GAS7: variants seen among roughly 807,000 people sequenced by gnomAD.
GAS7 encodes growth arrest-specific protein 7.
In GAS7, 28 loss-of-function variants were observed where a neutral mutation model predicts 71.1. The ratio of observed to expected loss-of-function variants is 0.39; its 90% CI spans 0.29 to 0.54. GAS7 has a LOEUF of 0.54. GAS7 is among the 20% of genes least tolerant of loss of function. GAS7 has a pLI of 0.62. For missense variants in GAS7, 436 were observed against 627.8 expected (o/e 0.69, Z 3.27); for synonymous variants, 258 against 245.8 (o/e 1.05, Z -0.46).
intron 1 of GAS7, among the ~76,000 whole-genome samples, chr17:10,163,535 A>G (rs1421062793): frequency 6.6e-6 from 1 of 152,222 alleles, no homozygotes; most frequent in Non-Finnish European, 1.5e-5. Context: ...AGAAATACAG[A>G]TTAAAGTTGA....
chr17:9,949,641 C>T (rs2068926304), intron 5 of GAS7, among the ~76,000 whole-genome samples: 1 of 152,190 alleles, frequency 6.6e-6, no homozygotes, highest in Non-Finnish European at 1.5e-5. Context: ...GAGGTCCCCA[C>T]CACCCTAGAG....
chr17:10,133,717 C>T (rs990607997), intron 1 of GAS7, among the ~76,000 whole-genome samples: 1 of 151,718 alleles, frequency 6.6e-6, no homozygotes, highest in African/African-American at 2.4e-5. Context: ...CCACCCAGCC[C>T]CTGGTGATCA....
At chr17:10,188,292 T>C (rs1249903462) in intron 1 of GAS7, among the ~76,000 whole-genome samples, 6 of 152,216 alleles carry the variant, frequency 3.9e-5, no homozygotes, top group Admixed American at 1.3e-4. Context: ...CCCTTCCGCA[T>C]GTTCTGACCT....
In GAS7 at chr17:9,919,835, G is replaced by A; in HGVS notation, c.1139-130C>T. On this transcript the variant is annotated intron_variant, in intron 11 of 13. Coordinates refer to ENST00000432992, the MANE Select transcript of GAS7 (RefSeq NM_201433.2). This position sits in a 1 kb window ranked among gnomAD's most constrained non-coding sequence, Gnocchi z 5.0. ...TGGTGGCCGCTGGAAAGCTGGAAAA[G>A]GGATGGCAGTAGGAAGAAGAAGAAA... The A allele has an allele frequency of 1.3e-6, 1 of 745,928 alleles. No homozygotes were observed. Among genetic ancestry groups the A allele is most frequent in the Non-Finnish European group, 2.4e-6 (1 of 416,328 alleles). 46.2% of individuals were successfully genotyped at this position (745,928 alleles called of 1,614,324 possible).
At chr17:10,150,539 G>A (rs1430117468) in intron 1 of GAS7, among the ~76,000 whole-genome samples, 4 of 150,806 alleles carry the variant, frequency 2.7e-5, no homozygotes, top group Non-Finnish European at 5.9e-5. Flanking sequence ...GAACACCTAT[G>A]AGAGGCAGCA....
chr17:10,032,123 A>AAAC (rs1259128402), intron 1 of GAS7, among the ~76,000 whole-genome samples: 2 of 151,832 alleles, frequency 1.3e-5, no homozygotes, highest in Non-Finnish European at 2.9e-5. Flanking sequence ...AAAAAAAAAA[A>AAAC]AAAAAAACCC....
intron 2 of GAS7, among the ~76,000 whole-genome samples, chr17:9,993,021 T>G (rs2070905330): frequency 6.6e-6 from 1 of 152,060 alleles, no homozygotes; most frequent in Non-Finnish European, 1.5e-5. Context: ...ACATTTGGGT[T>G]GGTTCCAAGT....
At chr17:10,064,673 G>A (rs2073261771) in intron 1 of GAS7, among the ~76,000 whole-genome samples, 1 of 152,236 alleles carries the variant, frequency 6.6e-6, no homozygotes, top group East Asian at 1.9e-4. Context: ...GTCTCACTGA[G>A]AATGGAGCCA....
chr17:9,954,159 G>A (rs765164895), intron 5 of GAS7, among the ~76,000 whole-genome samples: 2 of 152,146 alleles, frequency 1.3e-5, no homozygotes, highest in Non-Finnish European at 2.9e-5. Context: ...CCTACAGGTG[G>A]GGACCGCGTT....
In GAS7 at chr17:9,925,507, G is replaced by T. The variant is rs370876732; in HGVS notation, c.1107C>A (p.Ile369=). 6.2e-7 allele frequency: 1 copy of T among 1,613,986 alleles called. No homozygotes were observed. The highest frequency in any genetic ancestry group is 1.3e-5 in the African/African-American group (1 of 74,910). The part of the protein sequence containing the change: ...IKLSNKTEED[I]KKARRKSTQA... ...GTGTGGACTTTCTCCGCGCCTTCTT[G>T]ATGTCCTCCTCTGTCTTGTTGCTCA... is the stretch of plus-strand genomic sequence containing the variant. The change falls in exon 11 of 14, where the codon ATC becomes ATA. Residue 369 remains isoleucine, a synonymous_variant. Transcript: ENST00000432992.
intron 2 of GAS7, among the ~76,000 whole-genome samples, chr17:9,997,460 G>C (rs1241010760): frequency 1.3e-5 from 2 of 152,010 alleles, no homozygotes; most frequent in Non-Finnish European, 2.9e-5. Context: ...TGATAACATA[G>C]GAAAAACTAA....
chr17:10,094,634 A>G (rs1190911634), intron 1 of GAS7, among the ~76,000 whole-genome samples: 1 of 151,796 alleles, frequency 6.6e-6, no homozygotes, highest in African/African-American at 2.4e-5. Context: ...ACGCCTGACT[A>G]ATTTTTTGTA....
Position 10,019,760 on chromosome 17 carries a change from C to T in GAS7, c.304+17G>A, listed in dbSNP as rs376746117. The T allele has an allele frequency of 1.4e-5, 22 of 1,608,842 alleles. 1 individual carries two copies. The highest frequency in any genetic ancestry group is 9.9e-5 in the South Asian group (9 of 90,768). ...GCCAGGGGGTTGGTGCAGGATTCTCCCCCGAGCGGGACTCACCATTGGTGG... is the reference window on the plus strand; with the variant it reads ...GCCAGGGGGTTGGTGCAGGATTCTCTCCCGAGCGGGACTCACCATTGGTGG... On this transcript the variant is annotated intron_variant, in intron 2 of 13. Coordinates refer to ENST00000432992, the MANE Select transcript of GAS7 (RefSeq NM_201433.2).
intron 1 of GAS7, among the ~76,000 whole-genome samples, chr17:10,127,909 A>AT (rs1333672058): frequency 1.3e-5 from 2 of 152,232 alleles, no homozygotes; most frequent in Non-Finnish European, 2.9e-5. Context: ...CTCGGGCCAC[A>AT]TAAGCTCTCA....
At chr17:10,053,954 G>C (rs1405603201) in intron 1 of GAS7, among the ~76,000 whole-genome samples, 1 of 152,124 alleles carries the variant, frequency 6.6e-6, no homozygotes, top group African/African-American at 2.4e-5. Context: ...CAAGCTTCTG[G>C]ATCCGTAGGT....
At chr17:10,171,860 C>CCG (rs1306484958) in intron 1 of GAS7, among the ~76,000 whole-genome samples, 1 of 152,154 alleles carries the variant, frequency 6.6e-6, no homozygotes, top group African/African-American at 2.4e-5. Flanking sequence ...CCCTCTGTAA[C>CCG]CGCTATAGGA....
At chr17:9,955,825 A>G (rs1487751522) in intron 5 of GAS7, among the ~76,000 whole-genome samples, 3 of 152,044 alleles carry the variant, frequency 2.0e-5, no homozygotes, top group Non-Finnish European at 4.4e-5. Flanking sequence ...TGTCCTCAAC[A>G]AAGCCGCGTC....
At chr17:10,111,302 A>C (rs2073809561) in intron 1 of GAS7, among the ~76,000 whole-genome samples, 1 of 18,024 alleles carries the variant, frequency 5.5e-5, no homozygotes, top group Non-Finnish European at 9.7e-5. Context: ...TGGGAGGCCG[A>C]GGTGGGCGGA....
rs746385671 is a variant in GAS7, at chr17:9,926,803, C to A, written c.886-34G>T. ...AGAGTAGAGACGCACACTCAGGACC[C>A]AGGGCATCAGCTGTAAGCCAGTGCA... On this transcript the variant is annotated intron_variant, in intron 9 of 13. Coordinates refer to ENST00000432992, the MANE Select transcript of GAS7 (RefSeq NM_201433.2). This position sits in a 1 kb window ranked among gnomAD's most constrained non-coding sequence, Gnocchi z 5.0. 2 of 1,613,294 alleles carry A rather than the reference C, an allele frequency of 1.2e-6. No homozygotes were observed. Among genetic ancestry groups the A allele is most frequent in the Admixed American group, 3.3e-5 (2 of 60,028 alleles).
Sources: gnomAD v4.1 joint callset for allele counts (sites outside exome capture counted in the v4.1 genomes callset) on GRCh38, gnomAD v4.1.1 for gene constraint, Gnocchi (gnomAD v3.1) non-coding constraint, MANE v1.5 for transcripts, NCBI Gene and HGNC (gene_info 2026-07-23, HGNC 2026-07-21) for gene names.